VAMP4: variants seen among roughly 807,000 people sequenced by gnomAD.
The protein encoded by VAMP4 is vesicle associated membrane protein 4.
Under a neutral mutation model 23.5 loss-of-function variants are expected in VAMP4, and 19 were observed. That is an observed-to-expected ratio of 0.81 (90% CI 0.56 to 1.19). The LOEUF is 1.19. Among genes scored for constraint, VAMP4 ranks in the 50% most tolerant of loss-of-function variants. The probability of loss-of-function intolerance (pLI) is 0.00; values close to 1 mark genes in which losing one functional copy is unlikely to be tolerated. For synonymous variants in VAMP4, 31 were observed against 51.0 expected, an observed-to-expected ratio of 0.61 and a Z score of 1.67; for missense variants, 145 against 168.6, an observed-to-expected ratio of 0.86 and a Z score of 0.78.
intron 3 of VAMP4, among the ~76,000 whole-genome samples, chr1:171,727,575 C>T (rs1480739435): frequency 6.6e-6 from 1 of 152,132 alleles, no homozygotes; most frequent in Non-Finnish European, 1.5e-5. Context: ...CTTACACCAA[C>T]CATTCTACTC....
chr1:171,701,041 A>ATCTAAACCCTACATCT lies in VAMP4; in HGVS notation c.*3464_*3465insAGATGTAGGGTTTAGA, dbSNP rs1209517165. The ATCTAAACCCTACATCT allele has an allele frequency of 1.3e-5, 2 of 152,186 alleles. No individual in the cohort carries two copies. Among genetic ancestry groups the ATCTAAACCCTACATCT allele is most frequent in the African/African-American group, 4.8e-5 (2 of 41,448 alleles). The allele number at this position is 152,186 out of a possible 1,614,324, so 9.4% of individuals were successfully genotyped here. ...TTAAAGAGGATCTAAACCCTACATC[A>ATCTAAACCCTACATCT]ATCTAAAGCATTTAGACAAATGCAT... On this transcript the variant is annotated 3_prime_UTR_variant, in exon 8 of 8. Transcript: ENST00000236192.
At position 171,704,482 on chromosome 1, in the gene VAMP4, T is replaced by C. The variant is rs1378503074; in HGVS notation, c.*24A>G. On this transcript the variant is annotated 3_prime_UTR_variant, in exon 8 of 8. Transcript: ENST00000236192. ...CTTTTATTACTGTCCCAGATCTTGT[T>C]TAATGAAGATCTCTGTCATCAAATC... 4 of 1,568,180 alleles carry C rather than the reference T, an allele frequency of 2.6e-6. No homozygotes were observed. The highest frequency in any genetic ancestry group is 3.5e-6 in the Non-Finnish European group (4 of 1,154,488).
intron 2 of VAMP4, among the ~76,000 whole-genome samples, chr1:171,731,838 T>A (rs1046530549): frequency 2.0e-5 from 3 of 152,130 alleles, no homozygotes; most frequent in African/African-American, 7.2e-5. Flanking sequence ...AAAAAGAATG[T>A]TACAGTTAGC....
chr1:171,719,015 A>G (rs1052943429), intron 4 of VAMP4, among the ~76,000 whole-genome samples, 156 bp downstream of exon 4: 2 of 152,130 alleles, frequency 1.3e-5, no homozygotes, highest in African/African-American at 4.8e-5. Flanking sequence ...GAAAGTACCT[A>G]TCGATAATAT....
rs551541975 is a variant in VAMP4 at position 171,709,527 on chromosome 1, T to G, written c.345+138A>C. ...AGCAATTAAGTTAACAAGTATTTAC[T>G]GAATTTCTACCATGTCTCAGGACAG... On this transcript the variant is annotated intron_variant, in intron 6 of 7. Transcript: ENST00000236192. 2.3e-4 allele frequency: 151 copies of G among 663,522 alleles called. No individual in the cohort carries two copies. In the African/African-American group the frequency reaches 2.3e-3, roughly 10 times the overall value. 41.1% of individuals were successfully genotyped at this position (663,522 alleles called of 1,614,324 possible). A position where few individuals can be genotyped will look rare whatever the true frequency, so the allele number is the denominator to read the frequency against.
At chr1:171,740,995 T>C (rs1655904941) in intron 1 of VAMP4, among the ~76,000 whole-genome samples, 1 of 152,196 alleles carries the variant, frequency 6.6e-6, no homozygotes, top group African/African-American at 2.4e-5. Flanking sequence ...AAATAAATCA[T>C]GCTCAGAAAG....
At chr1:171,740,909 T>C (rs994398069) in intron 1 of VAMP4, among the ~76,000 whole-genome samples, 4 of 152,352 alleles carry the variant, frequency 2.6e-5, no homozygotes, top group Admixed American at 2.0e-4. Context: ...GGCAGATTAA[T>C]TAGCTACCTT....
At chr1:171,737,442 T>G (rs547888875) in intron 2 of VAMP4, among the ~76,000 whole-genome samples, 1 of 152,358 alleles carries the variant, frequency 6.6e-6, no homozygotes, top group East Asian at 1.9e-4. Flanking sequence ...TATATTTGCA[T>G]AGAATGTTCT....
chr1:171,715,061 T>C (rs1654985051), intron 4 of VAMP4, among the ~76,000 whole-genome samples: 1 of 152,060 alleles, frequency 6.6e-6, no homozygotes, highest in Admixed American at 6.5e-5. Context: ...GATAAGGAAA[T>C]ATATGTCAGA....
chr1:171,716,076 T>C (rs1421064127), intron 4 of VAMP4, among the ~76,000 whole-genome samples: 1 of 152,220 alleles, frequency 6.6e-6, no homozygotes, highest in Non-Finnish European at 1.5e-5. Context: ...TCTGGTCTTT[T>C]AAGGTACTGC....
chr1:171,715,938 C>T (rs1018008988), intron 4 of VAMP4, among the ~76,000 whole-genome samples: 1 of 152,094 alleles, frequency 6.6e-6, no homozygotes, highest in Non-Finnish European at 1.5e-5. Context: ...GATTTTGAGG[C>T]TGCAGTGAGC....
In VAMP4 at chr1:171,709,552, G is replaced by A. The variant is rs1384804784; in HGVS notation, c.345+113C>T. 4 of 921,388 alleles carry A rather than the reference G, an allele frequency of 4.3e-6. No homozygotes were observed. The South Asian group carries it at 5.8e-5, about 13-fold the overall frequency. 57.1% of individuals were successfully genotyped at this position (921,388 alleles called of 1,614,324 possible). A position where few individuals can be genotyped will look rare whatever the true frequency, so the allele number is the denominator to read the frequency against. On this transcript the variant is annotated intron_variant, in intron 6 of 7. Coordinates refer to ENST00000236192, the MANE Select transcript of VAMP4 (RefSeq NM_003762.5). ...TGAATTTCTACCATGTCTCAGGACA[G>A]TTATAGGCCCTGTTCTCACAGAGGT...
intron 2 of VAMP4, among the ~76,000 whole-genome samples, chr1:171,737,819 T>G (rs552648905): frequency 6.6e-6 from 1 of 152,284 alleles, no homozygotes; most frequent in East Asian, 1.9e-4. Context: ...TTTCAAAAAC[T>G]AGAAAGAAGC....
chr1:171,731,255 G>A (rs888591976), intron 2 of VAMP4, among the ~76,000 whole-genome samples: 4 of 152,220 alleles, frequency 2.6e-5, no homozygotes, highest in East Asian at 3.9e-4. Context: ...ATCACACACC[G>A]GGGCCTGTTG....
At chr1:171,707,934 G>A (rs1161248747) in intron 6 of VAMP4, among the ~76,000 whole-genome samples, 1 of 152,154 alleles carries the variant, frequency 6.6e-6, no homozygotes, top group Non-Finnish European at 1.5e-5. Context: ...GTTTGGGAGA[G>A]AGAAGGGGTG....
chr1:171,727,472 T>C (rs1655412342), intron 3 of VAMP4, among the ~76,000 whole-genome samples: 1 of 152,082 alleles, frequency 6.6e-6, no homozygotes, highest in South Asian at 2.1e-4. Context: ...AGACTGACCA[T>C]ATGTAATGAC....
chr1:171,703,417 GTTTGTGTGTATATA>G lies in VAMP4; in HGVS notation c.*1075_*1088del, dbSNP rs1244207861. On this transcript the variant is annotated 3_prime_UTR_variant, in exon 8 of 8. Transcript: ENST00000236192. Reference sequence around the variant, plus strand: ...CGTGTGTGTGTGTGTGTGTGTGTGTGTTTGTGTGTATATATATATATATATATATATATATATAT... The same window carrying G: ...CGTGTGTGTGTGTGTGTGTGTGTGTGTATATATATATATATATATATATAT... 5 of 98,702 alleles carry G rather than the reference GTTTGTGTGTATATA, an allele frequency of 5.1e-5. No homozygotes were observed. The highest frequency in any genetic ancestry group is 3.7e-4 in the East Asian group (1 of 2,670). 6.1% of individuals were successfully genotyped at this position (98,702 alleles called of 1,614,324 possible).
At chr1:171,709,102 C>T (rs2124839551) in intron 6 of VAMP4, among the ~76,000 whole-genome samples, 1 of 151,884 alleles carries the variant, frequency 6.6e-6, no homozygotes, top group Admixed American at 6.6e-5. Flanking sequence ...CAATGTTTTG[C>T]AGGAGTATAT....
rs559326039 is a variant in VAMP4, at chr1:171,705,996, T to G, written c.397+371A>C. ...AAATGCAAACTGCCATTCCTGAGAG[T>G]TAATAATAAATAGAAAATGAGTATT... On this transcript the variant is annotated intron_variant, in intron 7 of 7. Coordinates refer to ENST00000236192, the MANE Select transcript of VAMP4 (RefSeq NM_003762.5). Among the ~76,000 whole-genome samples, 5 of 151,668 alleles carry G rather than the reference T, an allele frequency of 3.3e-5. 1 individual carries two copies. The South Asian group carries it at 1.0e-3, about 32-fold the overall frequency.
Sources: gnomAD v4.1 joint callset for allele counts (sites outside exome capture counted in the v4.1 genomes callset) on GRCh38, gnomAD v4.1.1 for gene constraint, MANE v1.5 for transcripts, NCBI Gene and HGNC (gene_info 2026-07-23, HGNC 2026-07-21) for gene names.